The following FAT3 variants were observed in gnomAD, a reference collection of about 807,000 sequenced individuals.
FAT3 encodes FAT atypical cadherin 3.
In FAT3, 95 loss-of-function variants were observed where a neutral mutation model predicts 310.2. The observed-to-expected ratio is 0.31, with a 90% CI of 0.26 to 0.36. The LOEUF is 0.36. Among genes scored for constraint, FAT3 ranks in the 10% least tolerant of loss-of-function variants. FAT3 has a pLI of 1.00. For missense variants in FAT3, 5,408 were observed against 5,715.6 expected (o/e 0.95, Z 1.74); for synonymous variants, 2,314 against 2,192.9 (o/e 1.06, Z -1.54).
intron 3 of FAT3, among the ~76,000 whole-genome samples, chr11:92,662,247 T>C (rs1335126967): frequency 6.6e-6 from 1 of 152,192 alleles, no homozygotes; most frequent in Non-Finnish European, 1.5e-5. Context: ...CAGGCACAAG[T>C]AAGATGTCAG....
intron 2 of FAT3, among the ~76,000 whole-genome samples, chr11:92,516,064 G>A (rs1382357856): frequency 2.0e-5 from 3 of 152,106 alleles, no homozygotes; most frequent in Admixed American, 2.0e-4. Flanking sequence ...AAGGTACAAA[G>A]AGAAGCTGGT....
At chr11:92,595,628 A>C (rs1339900913) in intron 3 of FAT3, among the ~76,000 whole-genome samples, 2 of 152,224 alleles carry the variant, frequency 1.3e-5, no homozygotes, top group Non-Finnish European at 2.9e-5. Flanking sequence ...AGTAATAATT[A>C]AGTCCTTTAT....
At position 92,774,125 on chromosome 11, in the gene FAT3, C is replaced by G. The variant is rs751543920; in HGVS notation, c.4280C>G (p.Ser1427Cys). Residue 1427 changes from serine (S) to cysteine (C), a missense_variant, in exon 7 of 28, where the codon TCC (serine) becomes TGC (cysteine). Coordinates refer to ENST00000525166, the MANE Select transcript of FAT3 (RefSeq NM_001367949.2). ...IAKPLDAEQRSIYNMSVEVTD... is the reference protein window; with the variant it reads ...IAKPLDAEQRCIYNMSVEVTD... ...AAACCTTTGGATGCAGAGCAGAGGTCCATCTATAATATGAGTGTGGAAGTC... is the reference window on the plus strand; with the variant it reads ...AAACCTTTGGATGCAGAGCAGAGGTGCATCTATAATATGAGTGTGGAAGTC... The G allele has an allele frequency of 1.2e-6, 2 of 1,613,332 alleles. No homozygotes were observed. The highest frequency in any genetic ancestry group is 1.7e-6 in the Non-Finnish European group (2 of 1,179,692).
intron 3 of FAT3, among the ~76,000 whole-genome samples, chr11:92,564,913 A>G (rs1955373306): frequency 7.0e-6 from 1 of 142,558 alleles, no homozygotes; most frequent in Admixed American, 7.4e-5. Context: ...TTATAGCACT[A>G]AATGCCCACA....
intron 25 of FAT3, among the ~76,000 whole-genome samples, chr11:92,888,672 T>C (rs544270174): frequency 9.9e-4 from 151 of 152,304 alleles, no homozygotes; most frequent in African/African-American, 3.5e-3. Flanking sequence ...TGGTGGGAGC[T>C]AGGCCTTGGG....
In FAT3 at chr11:92,799,415, T is replaced by C. The variant is rs760354779; in HGVS notation, c.6402T>C (p.Pro2134=). Residue 2134 remains proline, a synonymous_variant, in exon 10 of 28, where the codon CCT becomes CCC. Coordinates refer to ENST00000525166, the MANE Select transcript of FAT3 (RefSeq NM_001367949.2). ...ACTATGGCCACTTTGAAATTAACCC[T>C]AATTCAGGGAATGTTATTTTAAAGG... ...QDDYGHFEIN[P]NSGNVILKEA... is the part of the protein sequence containing the mutation. 6.2e-7 allele frequency: 1 copy of C among 1,613,606 alleles called. No homozygotes were observed. The highest frequency in any genetic ancestry group is 8.5e-7 in the Non-Finnish European group (1 of 1,179,720).
rs569010359 is a variant in FAT3, at chr11:92,881,016, A to G, written c.12281+132A>G. Reference sequence around the variant, plus strand: ...AAGGGTTAACATCTGCACGATACGTATAAGGAGTGCTTACAGGTGACTAAA... The same window carrying G: ...AAGGGTTAACATCTGCACGATACGTGTAAGGAGTGCTTACAGGTGACTAAA... On this transcript the variant is annotated intron_variant, in intron 23 of 27. Transcript: ENST00000525166. 2.3e-5 allele frequency: 22 copies of G among 966,896 alleles called. No homozygotes were observed. In the African/African-American group the frequency reaches 2.8e-4, roughly 12 times the overall value. The allele number at this position is 966,896 out of a possible 1,614,324, so 59.9% of individuals were successfully genotyped here.
chr11:92,740,496 A>C (rs1266811344), intron 4 of FAT3, among the ~76,000 whole-genome samples: 1 of 152,230 alleles, frequency 6.6e-6, no homozygotes, highest in East Asian at 1.9e-4. Flanking sequence ...CCCCTGTTGA[A>C]AAGTAAAAGT....
chr11:92,648,988 C>T, intron 3 of FAT3, among the ~76,000 whole-genome samples: 1 of 152,176 alleles, frequency 6.6e-6, no homozygotes, highest in East Asian at 1.9e-4. Flanking sequence ...GTTTCTACAG[C>T]CCTGTTCTGA....
intron 6 of FAT3, chr11:92,766,564 G>A (rs1946318242): frequency 6.6e-6 from 1 of 152,224 alleles, no homozygotes; most frequent in Admixed American, 6.5e-5. Flanking sequence ...AAAGCAAAGA[G>A]CTGTTTTCTA....
intron 2 of FAT3, among the ~76,000 whole-genome samples, chr11:92,469,155 G>A (rs11019971): frequency 6.6e-6 from 1 of 152,068 alleles, no homozygotes; most frequent in Non-Finnish European, 1.5e-5. Context: ...TAAAAGGCAG[G>A]CATGTGGGAT....
At chr11:92,841,381 T>C (rs144970924) in intron 18 of FAT3, among the ~76,000 whole-genome samples, 1 of 152,240 alleles carries the variant, frequency 6.6e-6, no homozygotes, top group Admixed American at 6.5e-5. Flanking sequence ...TTCTATCCAC[T>C]GTTGCTTACA....
At chr11:92,775,303 G>A (rs558626430) in intron 7 of FAT3, among the ~76,000 whole-genome samples, 13 of 152,322 alleles carry the variant, frequency 8.5e-5, no homozygotes, top group African/African-American at 2.9e-4. Context: ...AATATTTCAT[G>A]TGTTTGCCTA....
chr11:92,573,704 C>T (rs1250890229), intron 3 of FAT3, among the ~76,000 whole-genome samples: 1 of 151,916 alleles, frequency 6.6e-6, no homozygotes, highest in African/African-American at 2.4e-5. Flanking sequence ...CAGCCCCAAG[C>T]CACAGAATTC....
chr11:92,355,422 T>G lies in FAT3; in HGVS notation c.3292+18T>G, dbSNP rs772001773. ...CGAGAGTGGTAAGTGTAATATTTTG[T>G]GCCAAGAGTGTTGTTTCACCTCTTT... On this transcript the variant is annotated intron_variant, in intron 2 of 27. Transcript: ENST00000525166. The G allele has an allele frequency of 6.3e-7, 1 of 1,587,230 alleles. No individual in the cohort carries two copies. The highest frequency in any genetic ancestry group is 8.6e-7 in the Non-Finnish European group (1 of 1,162,542).
At chr11:92,683,368 T>C (rs904473354) in intron 3 of FAT3, among the ~76,000 whole-genome samples, 3 of 152,192 alleles carry the variant, frequency 2.0e-5, no homozygotes, top group African/African-American at 7.2e-5. Context: ...TCCCCTAAGG[T>C]CTCCTGAGGT....
chr11:92,355,185 T>C lies in FAT3; in HGVS notation c.3073T>C (p.Ser1025Pro). Residue 1025 changes from serine (S) to proline (P), a missense_variant, in exon 2 of 28, where the codon TCC (serine) becomes CCC (proline). Around this residue, in one of 5 missense-constraint regions of FAT3, gnomAD observed 4,588 missense variants for 4,809.8 expected, o/e 0.95. Transcript: ENST00000525166. Reference sequence around the variant, plus strand: ...GCGGCCTGTCTCTCTGTCATCTGTTTCCTTTGTTGAGGTGGAAGTGGTGGA... The same window carrying C: ...GCGGCCTGTCTCTCTGTCATCTGTTCCCTTTGTTGAGGTGGAAGTGGTGGA... The part of the protein sequence containing the change: ...KGRPVSLSSV[S>P]FVEVEVVDVN... 6.2e-7 allele frequency: 1 copy of C among 1,613,796 alleles called. No individual in the cohort carries two copies. The highest frequency in any genetic ancestry group is 8.5e-7 in the Non-Finnish European group (1 of 1,179,838).
intron 3 of FAT3, among the ~76,000 whole-genome samples, chr11:92,569,891 A>G (rs1287342247): frequency 6.6e-6 from 1 of 152,248 alleles, no homozygotes; most frequent in Non-Finnish European, 1.5e-5. Flanking sequence ...CCAACAGCTC[A>G]TGCTCTCTGG....
chr11:92,270,823 C>T (rs1445031511), intron 1 of FAT3, among the ~76,000 whole-genome samples: 1 of 151,966 alleles, frequency 6.6e-6, no homozygotes, highest in East Asian at 1.9e-4. Flanking sequence ...CCACTATACC[C>T]CTAAACCCAC....
Sources: gnomAD v4.1 joint callset for allele counts (sites outside exome capture counted in the v4.1 genomes callset) on GRCh38, gnomAD v4.1.1 for gene constraint, gnomAD v4.1.1 regional missense constraint, MANE v1.5 for transcripts, NCBI Gene and HGNC (gene_info 2026-07-23, HGNC 2026-07-21) for gene names.